SLC25A26: variants seen among roughly 807,000 people sequenced by gnomAD.
SLC25A26 encodes the protein mitochondrial S-adenosylmethionine carrier protein.
Under a neutral mutation model 37.8 loss-of-function variants are expected in SLC25A26, and 36 were observed. That is an observed-to-expected ratio of 0.95 (90% CI 0.73 to 1.26). The LOEUF (loss-of-function observed/expected upper bound fraction) is 1.26, where lower values mean the gene tolerates loss of function less well. SLC25A26 is among the 50% of genes most tolerant of loss of function. SLC25A26 has a pLI of 0.00. For missense variants in SLC25A26, 390 were observed against 331.1 expected (o/e 1.18, Z -1.38); for synonymous variants, 129 against 122.5 (o/e 1.05, Z -0.35).
chr3:66,373,842 T>G (rs998374190), intron 9 of SLC25A26, among the ~76,000 whole-genome samples: 6 of 152,098 alleles, frequency 3.9e-5, no homozygotes, highest in African/African-American at 1.2e-4. Context: ...AAGTGTCTCA[T>G]TTTCCTTAGA....
chr3:66,145,223 CA>C (rs1341447453), intron 1 of SLC25A26, among the ~76,000 whole-genome samples: 2 of 152,102 alleles, frequency 1.3e-5, no homozygotes, highest in Non-Finnish European at 2.9e-5. Flanking sequence ...GTGAAGACAC[CA>C]GATCACATAA....
At chr3:66,216,427 G>A (rs1284435870), upstream of SLC25A26, among the ~76,000 whole-genome samples, 3 of 152,092 alleles carry the variant, frequency 2.0e-5, no homozygotes, top group Non-Finnish European at 4.4e-5. Context: ...CAGGAAGATT[G>A]CTTGAACCCG....
intron 1 of SLC25A26, among the ~76,000 whole-genome samples, chr3:66,171,449 C>G (rs1223143149): frequency 6.6e-6 from 1 of 152,048 alleles, no homozygotes; most frequent in Non-Finnish European, 1.5e-5. Context: ...TTTTTGTTCT[C>G]TTAAACATGT....
chr3:66,343,741 T>TAAGAATAGAAA (rs2076259258), intron 5 of SLC25A26, among the ~76,000 whole-genome samples: 1 of 152,238 alleles, frequency 6.6e-6, no homozygotes, highest in Non-Finnish European at 1.5e-5. Context: ...AATATTTACC[T>TAAGAATAGAAA]TCTTACTAAT....
intron 1 of SLC25A26, among the ~76,000 whole-genome samples, chr3:66,191,913 T>TA (rs1318651115): frequency 0.015 from 2,087 of 139,596 alleles, 50 homozygotes; most frequent in African/African-American, 0.051. Flanking sequence ...TCTCAAATAA[T>TA]AAAAAAAAAA....
chr3:66,235,659 A>G (rs1373545536), intron 1 of SLC25A26, among the ~76,000 whole-genome samples: 1 of 152,224 alleles, frequency 6.6e-6, no homozygotes, highest in African/African-American at 2.4e-5. Context: ...AGTTAAGACA[A>G]CAATATAACA....
intron 2 of SLC25A26, among the ~76,000 whole-genome samples, chr3:66,241,151 A>C (rs1005159348): frequency 6.6e-6 from 1 of 152,176 alleles, no homozygotes; most frequent in African/African-American, 2.4e-5. Context: ...TTATTGAAAA[A>C]AAGCCATGTG....
chr3:66,153,147 C>T (rs561002933), intron 1 of SLC25A26, among the ~76,000 whole-genome samples: 4 of 151,994 alleles, frequency 2.6e-5, no homozygotes, highest in East Asian at 3.9e-4. Flanking sequence ...TTGGTCGTCA[C>T]GACCAAAAAT....
intron 5 of SLC25A26, among the ~76,000 whole-genome samples, chr3:66,321,692 T>A (rs952499687): frequency 2.6e-5 from 4 of 152,020 alleles, no homozygotes; most frequent in Non-Finnish European, 5.9e-5. Flanking sequence ...AGTTAACATT[T>A]TTCAAAAGTT....
rs906073104 is a variant in SLC25A26, at chr3:66,261,987, C to CA, written c.301-58dup. The CA allele has an allele frequency of 1.6e-5, 16 of 987,986 alleles. No homozygotes were observed. The Admixed American group carries it at 3.1e-4, about 19-fold the overall frequency. 61.2% of individuals were successfully genotyped at this position (987,986 alleles called of 1,614,324 possible). A position where few individuals can be genotyped will look rare whatever the true frequency, so the allele number is the denominator to read the frequency against. On this transcript the variant is annotated intron_variant, in intron 3 of 9. Transcript: ENST00000354883. ...CCTTTTTACTACAATTTTTGCTTAC[C>CA]AAAAAATTTCAATTTTTATAGCAGT... is the stretch of plus-strand genomic sequence containing the variant.
At chr3:66,310,140 C>G (rs1267446240) in intron 5 of SLC25A26, among the ~76,000 whole-genome samples, 1 of 152,152 alleles carries the variant, frequency 6.6e-6, no homozygotes, top group Admixed American at 6.5e-5. Flanking sequence ...GTCTAAGTTT[C>G]TTTGTAGGTC....
intron 3 of SLC25A26, among the ~76,000 whole-genome samples, chr3:66,258,822 C>CT (rs1007285145): frequency 1.3e-5 from 2 of 148,938 alleles, no homozygotes; most frequent in African/African-American, 5.0e-5. Context: ...TCATCTCTCT[C>CT]TTTTTTCTTC....
chr3:66,339,536 A>C (rs553736558), intron 5 of SLC25A26, among the ~76,000 whole-genome samples: 1 of 151,866 alleles, frequency 6.6e-6, no homozygotes, highest in Non-Finnish European at 1.5e-5. Context: ...CCTTGCCAGC[A>C]CTTGTTATTT....
At chr3:66,212,391 C>A (rs968410844) in intron 1 of SLC25A26, among the ~76,000 whole-genome samples, 4 of 152,094 alleles carry the variant, frequency 2.6e-5, no homozygotes, top group Admixed American at 1.3e-4. Flanking sequence ...GCCAGGATTA[C>A]AAATGCAAGC....
chr3:66,266,172 GA>G (rs201681843), intron 5 of SLC25A26, among the ~76,000 whole-genome samples: 3,931 of 93,734 alleles, frequency 0.042, 254 homozygotes, highest in Admixed American at 0.19. Context: ...TATTTATTCA[GA>G]GTTGATTTTA....
intron 5 of SLC25A26, among the ~76,000 whole-genome samples, chr3:66,289,099 A>G (rs1361100986): frequency 6.6e-6 from 1 of 151,960 alleles, no homozygotes; most frequent in Admixed American, 6.6e-5. Context: ...ATTTTTTCAT[A>G]TGTTTGTTGG....
At chr3:66,325,059 A>G (rs1197229637) in intron 5 of SLC25A26, among the ~76,000 whole-genome samples, 1 of 152,192 alleles carries the variant, frequency 6.6e-6, no homozygotes, top group Non-Finnish European at 1.5e-5. Context: ...AGAGAAATTC[A>G]GATTGGATTT....
intron 1 of SLC25A26, among the ~76,000 whole-genome samples, chr3:66,151,498 T>A (rs1337583552): frequency 6.6e-6 from 1 of 152,190 alleles, no homozygotes; most frequent in Non-Finnish European, 1.5e-5. Context: ...AAAATAACTC[T>A]AACTTGGCTT....
chr3:66,311,800 G>A (rs1394246501), intron 5 of SLC25A26, among the ~76,000 whole-genome samples: 1 of 152,156 alleles, frequency 6.6e-6, no homozygotes, highest in Non-Finnish European at 1.5e-5. Flanking sequence ...GACCCTGTGT[G>A]CCTGGGTATC....
Sources: allele counts gnomAD v4.1 joint callset (sites outside exome capture counted in the v4.1 genomes callset), GRCh38; gene constraint gnomAD v4.1.1; transcripts MANE v1.5; gene names NCBI Gene and HGNC (gene_info 2026-07-23, HGNC 2026-07-21).